Variants in L3MBTL4 observed in about 807,000 individuals in gnomAD.
L3MBTL4 encodes the protein lethal(3)malignant brain tumor-like protein 4.
A neutral mutation model predicts 84.5 loss-of-function variants in L3MBTL4; 70 were observed. The ratio of observed to expected loss-of-function variants is 0.83; its 90% CI spans 0.68 to 1.01. The LOEUF (loss-of-function observed/expected upper bound fraction) is 1.01. Ranked by LOEUF, L3MBTL4 falls within the 50% of genes least tolerant of loss-of-function variation. The pLI is 0.00. For missense variants in L3MBTL4, 715 were observed against 754.8 expected, an observed-to-expected ratio of 0.95 and a Z score of 0.62; for synonymous variants, 274 against 259.8, an observed-to-expected ratio of 1.05 and a Z score of -0.52.
At chr18:6,213,336 A>G in intron 11 of L3MBTL4, 77 bp from the exon 12 acceptor site, 1 of 753,810 alleles carries the variant, frequency 1.3e-6, no homozygotes. Context: ...TTTCTAAAAT[A>G]CTACTGTTTT....
intron 16 of L3MBTL4, among the ~76,000 whole-genome samples, chr18:6,008,960 AGT>A (rs1351800071): frequency 6.6e-6 from 1 of 152,168 alleles, no homozygotes; most frequent in African/African-American, 2.4e-5. Flanking sequence ...TAACACTCTC[AGT>A]GGGATGGGAA....
chr18:6,383,617 G>A lies in L3MBTL4; in HGVS notation c.-91+31184C>T, dbSNP rs568288499. On this transcript the variant is annotated intron_variant, in intron 1 of 18. Coordinates refer to ENST00000317931, the MANE Select transcript of L3MBTL4 (RefSeq NM_001330559.2). ...GTGAGGCGACGCCCTGCCCTGTTTC[G>A]GCTTGCCCTCTGTGGGCTGCACCCA... is the stretch of plus-strand genomic sequence containing the variant. Among the ~76,000 whole-genome samples the A allele has an allele frequency of 5.3e-5, 8 of 152,176 alleles. 1 individual carries two copies. Among genetic ancestry groups the A allele is most frequent in the African/African-American group, 1.7e-4 (7 of 41,506 alleles).
At chr18:6,157,726 T>G (rs756265809) in intron 13 of L3MBTL4, among the ~76,000 whole-genome samples, 1 of 152,198 alleles carries the variant, frequency 6.6e-6, no homozygotes, top group African/African-American at 2.4e-5. Context: ...TTACAAAGGA[T>G]ATATATATTT....
At chr18:6,045,213 G>A (rs915931900) in intron 16 of L3MBTL4, among the ~76,000 whole-genome samples, 5 of 152,138 alleles carry the variant, frequency 3.3e-5, no homozygotes, top group African/African-American at 1.2e-4. Flanking sequence ...GAGCCAAAAG[G>A]GATTGGGGGC....
intron 12 of L3MBTL4, among the ~76,000 whole-genome samples, chr18:6,192,211 C>T (rs1230198639): frequency 1.3e-5 from 2 of 151,832 alleles, no homozygotes; most frequent in Non-Finnish European, 2.9e-5. Flanking sequence ...TAAATGGCAG[C>T]AGAAAAATGA....
intron 1 of L3MBTL4, among the ~76,000 whole-genome samples, chr18:6,398,862 T>C (rs1253868087): frequency 1.3e-5 from 2 of 151,952 alleles, no homozygotes; most frequent in African/African-American, 4.8e-5. Context: ...CTGCTTCCCA[T>C]CCTAAGGCCA....
At chr18:6,378,202 T>C (rs1471409748) in intron 1 of L3MBTL4, among the ~76,000 whole-genome samples, 3 of 152,240 alleles carry the variant, frequency 2.0e-5, no homozygotes, top group African/African-American at 4.8e-5. Flanking sequence ...AAGTTCTTTG[T>C]AGATTCTGGA....
chr18:6,090,880 T>G (rs1342230803), intron 15 of L3MBTL4, among the ~76,000 whole-genome samples: 1 of 151,698 alleles, frequency 6.6e-6, no homozygotes, highest in East Asian at 1.9e-4. Flanking sequence ...TGACAAATGT[T>G]GCTTGTATAA....
intron 12 of L3MBTL4, 90 bp from the exon 13 acceptor site, chr18:6,172,032 TGA>T: frequency 1.7e-6 from 1 of 605,786 alleles, no homozygotes; most frequent in Non-Finnish European, 2.9e-6. Context: ...TGTCTGAAGC[TGA>T]GATTGAAATT....
At chr18:6,189,067 G>A (rs865890305) in intron 12 of L3MBTL4, among the ~76,000 whole-genome samples, 5 of 152,150 alleles carry the variant, frequency 3.3e-5, no homozygotes, top group African/African-American at 1.2e-4. Context: ...GCATGGTAGG[G>A]CCACACTCCA....
chr18:6,173,311 C>T (rs2044066905), intron 12 of L3MBTL4, among the ~76,000 whole-genome samples: 2 of 152,144 alleles, frequency 1.3e-5, no homozygotes, highest in African/African-American at 4.8e-5. Context: ...TAAAGGAAAA[C>T]ATCCCAGATG....
chr18:6,211,358 T>C (rs1026620869), intron 12 of L3MBTL4, among the ~76,000 whole-genome samples: 3 of 152,198 alleles, frequency 2.0e-5, no homozygotes, highest in African/African-American at 7.2e-5. Context: ...TAAGCATCTA[T>C]TATGTGCTGG....
chr18:6,002,668 A>G (rs765684872), intron 16 of L3MBTL4, among the ~76,000 whole-genome samples: 28 of 152,060 alleles, frequency 1.8e-4, no homozygotes, highest in Admixed American at 1.3e-4. Context: ...CATGGTCATC[A>G]CAAAGAAAAT....
chr18:6,138,319 C>G (rs778925668), intron 13 of L3MBTL4, 23 bp from the exon 14 acceptor site: 2 of 1,398,732 alleles, frequency 1.4e-6, no homozygotes, highest in Admixed American at 3.5e-5. Context: ...AAAGAACATG[C>G]CTTGAAAACA....
chr18:6,077,782 G>A (rs1221432111), intron 16 of L3MBTL4, among the ~76,000 whole-genome samples: 4 of 151,160 alleles, frequency 2.6e-5, no homozygotes, highest in Non-Finnish European at 5.9e-5. Flanking sequence ...TGTAATCCCA[G>A]CACTTTGGGA....
intron 1 of L3MBTL4, among the ~76,000 whole-genome samples, chr18:6,330,932 T>C (rs1172180359): frequency 6.6e-6 from 1 of 152,176 alleles, no homozygotes; most frequent in Non-Finnish European, 1.5e-5. Flanking sequence ...TGCAACACAA[T>C]ACACTAGGGG....
chr18:6,077,421 T>C (rs1342992144), intron 16 of L3MBTL4, among the ~76,000 whole-genome samples: 1 of 152,224 alleles, frequency 6.6e-6, no homozygotes, highest in Admixed American at 6.5e-5. Flanking sequence ...AATCTTACGT[T>C]TATATATTAT....
chr18:6,154,397 CAAAT>C (rs1454111506), intron 13 of L3MBTL4, among the ~76,000 whole-genome samples: 2 of 151,962 alleles, frequency 1.3e-5, no homozygotes, highest in Admixed American at 6.6e-5. Flanking sequence ...TGTCCAAATT[CAAAT>C]ATATATGAAA....
chr18:6,114,276 TTA>T (rs1456335815), intron 14 of L3MBTL4, among the ~76,000 whole-genome samples: 1 of 152,190 alleles, frequency 6.6e-6, no homozygotes, highest in African/African-American at 2.4e-5. Flanking sequence ...TGCCACCTTC[TTA>T]TTTAATGCAG....
Sources: gnomAD v4.1 joint callset for allele counts (sites outside exome capture counted in the v4.1 genomes callset) on GRCh38, gnomAD v4.1.1 for gene constraint, MANE v1.5 for transcripts, NCBI Gene and HGNC (gene_info 2026-07-23, HGNC 2026-07-21) for gene names.